The following SOX5 variants were observed in gnomAD, a reference collection of about 807,000 sequenced individuals.
SOX5 encodes the protein SRY-box transcription factor 5.
Under a neutral mutation model 92.0 loss-of-function variants are expected in SOX5, and 9 were observed. The ratio of observed to expected loss-of-function variants is 0.10; its 90% CI spans 0.06 to 0.17. The LOEUF is 0.17. Among genes scored for constraint, SOX5 ranks in the 10% least tolerant of loss-of-function variants. The probability of loss-of-function intolerance (pLI) is 1.00; values close to 1 mark genes in which losing one functional copy is unlikely to be tolerated. For missense variants in SOX5, 642 were observed against 944.5 expected, an observed-to-expected ratio of 0.68 and a Z score of 4.20; for synonymous variants, 344 against 336.3, an observed-to-expected ratio of 1.02 and a Z score of -0.25.
At chr12:24,458,160 T>C (rs977920926) in intron 1 of SOX5, among the ~76,000 whole-genome samples, 1 of 151,884 alleles carries the variant, frequency 6.6e-6, no homozygotes, top group Non-Finnish European at 1.5e-5. Context: ...CAGTGTCTGT[T>C]TTTTTAAATT....
intron 4 of SOX5, among the ~76,000 whole-genome samples, chr12:24,102,556 T>C (rs1946212196): frequency 6.6e-6 from 1 of 152,228 alleles, no homozygotes; most frequent in Non-Finnish European, 1.5e-5. Flanking sequence ...TAGATTTCCA[T>C]ACGTCATCTA....
intron 3 of SOX5, among the ~76,000 whole-genome samples, chr12:23,841,192 G>C (rs549890810): frequency 1.3e-5 from 2 of 152,062 alleles, no homozygotes; most frequent in East Asian, 3.9e-4. Flanking sequence ...TTCATTAAAG[G>C]CATATAAGCA....
At chr12:23,798,617 C>T (rs949164899) in intron 3 of SOX5, among the ~76,000 whole-genome samples, 1 of 137,114 alleles carries the variant, frequency 7.3e-6, no homozygotes, top group Non-Finnish European at 1.6e-5. Flanking sequence ...AAAAAAAAAA[C>T]CAGTTCTCTC....
chr12:24,470,868 CAT>C (rs1331785475), intron 1 of SOX5, among the ~76,000 whole-genome samples: 1 of 152,128 alleles, frequency 6.6e-6, no homozygotes, highest in African/African-American at 2.4e-5. Context: ...AACATGGTAA[CAT>C]ATAAATGAAT....
intron 4 of SOX5, among the ~76,000 whole-genome samples, chr12:24,115,851 G>T (rs1485384035): frequency 6.6e-6 from 1 of 152,004 alleles, no homozygotes; most frequent in Non-Finnish European, 1.5e-5. Context: ...AGAACAGAAT[G>T]CATATGTTAT....
At chr12:23,604,672 G>A (rs926924500) in intron 8 of SOX5, 139 bp from the exon 9 acceptor site, 48 of 751,708 alleles carry the variant, frequency 6.4e-5, no homozygotes, top group Non-Finnish European at 9.6e-5. Context: ...TTTAAAGAAA[G>A]AAGCTGTCAC....
chr12:23,581,164 C>A (rs1949989655), intron 9 of SOX5, among the ~76,000 whole-genome samples: 1 of 151,924 alleles, frequency 6.6e-6, no homozygotes, highest in African/African-American at 2.4e-5. Context: ...ATTTCTCTCT[C>A]CCCACTCCTT....
rs1480758575 is a variant in SOX5 at position 23,532,425 on chromosome 12, T to TATC, written c.*1791_*1793dup. ...TCAAGCTACTAGTTGCAGTATTTACTATCTATCTGATACTTCAATACAAAT... is the reference window on the plus strand; with the variant it reads ...TCAAGCTACTAGTTGCAGTATTTACTATCATCTATCTGATACTTCAATACAAAT... On this transcript the variant is annotated 3_prime_UTR_variant, in exon 15 of 15. Transcript: ENST00000451604. 2.6e-5 allele frequency: 4 copies of TATC among 152,376 alleles called. No homozygotes were observed. Among genetic ancestry groups the TATC allele is most frequent in the East Asian group, 1.9e-4 (1 of 5,190 alleles). 9.4% of individuals were successfully genotyped at this position (152,376 alleles called of 1,614,324 possible).
chr12:23,531,259 T>G lies in SOX5; in HGVS notation c.*2960A>C, dbSNP rs1022467867. On this transcript the variant is annotated 3_prime_UTR_variant, in exon 15 of 15. Transcript: ENST00000451604. The stretch of plus-strand genomic sequence containing the variant: ...TTGTTTCGGTTCATGCACAGTTTAG[T>G]CTCGGACATAAACCTAACTAAAATC... 1.3e-5 allele frequency: 2 copies of G among 152,204 alleles called. No individual in the cohort carries two copies. Among genetic ancestry groups the G allele is most frequent in the Non-Finnish European group, 2.9e-5 (2 of 68,044 alleles). 9.4% of individuals were successfully genotyped at this position (152,204 alleles called of 1,614,324 possible).
chr12:23,793,416 A>C (rs2095510445), intron 3 of SOX5, among the ~76,000 whole-genome samples: 1 of 152,218 alleles, frequency 6.6e-6, no homozygotes. Flanking sequence ...TTATTTACCC[A>C]GAAGGTACAA....
chr12:23,712,661 T>A (rs1463926773), intron 6 of SOX5, among the ~76,000 whole-genome samples: 1 of 152,230 alleles, frequency 6.6e-6, no homozygotes, highest in Admixed American at 6.5e-5. Flanking sequence ...ACAAAGTCCT[T>A]TGACACTAAG....
intron 1 of SOX5, among the ~76,000 whole-genome samples, chr12:24,465,307 T>C (rs1369834418): frequency 6.6e-6 from 1 of 152,222 alleles, no homozygotes; most frequent in East Asian, 1.9e-4. Flanking sequence ...TTAATCATAA[T>C]AGCGAACATT....
intron 4 of SOX5, among the ~76,000 whole-genome samples, chr12:24,039,491 G>A (rs1405520407): frequency 6.6e-6 from 1 of 152,048 alleles, no homozygotes; most frequent in African/African-American, 2.4e-5. Flanking sequence ...CAGCATTGTT[G>A]CAACCAGAAA....
intron 1 of SOX5, among the ~76,000 whole-genome samples, chr12:24,511,885 G>A (rs974963256): frequency 9.3e-5 from 14 of 150,578 alleles, no homozygotes; most frequent in East Asian, 3.9e-4. Flanking sequence ...GTGAACCCGG[G>A]ATGTGGATCT....
chr12:23,971,843 GCATGTA>G (rs1478608150), intron 4 of SOX5, among the ~76,000 whole-genome samples: 2 of 152,068 alleles, frequency 1.3e-5, no homozygotes, highest in Non-Finnish European at 2.9e-5. Flanking sequence ...TAAACATTGT[GCATGTA>G]CTTTATATCA....
At chr12:23,713,862 C>A (rs754290046) in intron 6 of SOX5, among the ~76,000 whole-genome samples, 1 of 151,062 alleles carries the variant, frequency 6.6e-6, no homozygotes, top group African/African-American at 2.4e-5. Context: ...GAGGCCAAAG[C>A]GGGTGGATCA....
chr12:23,677,820 G>A (rs1461010825), intron 6 of SOX5, among the ~76,000 whole-genome samples: 1 of 152,060 alleles, frequency 6.6e-6, no homozygotes, highest in Admixed American at 6.6e-5. Context: ...AATGCAAAAT[G>A]TTACATTAGT....
At chr12:24,307,734 G>A (rs1340066606) in intron 2 of SOX5, among the ~76,000 whole-genome samples, 1 of 27,432 alleles carries the variant, frequency 3.6e-5, no homozygotes, top group Non-Finnish European at 9.7e-5. Context: ...CACAGAAAAA[G>A]TATTATTGGA....
chr12:24,262,951 G>T lies in SOX5; in HGVS notation c.-77+14265C>A, dbSNP rs573517148. On this transcript the variant is annotated intron_variant, in intron 3 of 4. Coordinates refer to the SOX5 transcript ENST00000446891. ...TAAGGAAATTACTGGGCTGCGCGCA[G>T]TGGCTCATGCCTGTAATCCCAGCAC... 3.9e-5 allele frequency among the ~76,000 whole-genome samples: 6 copies of T among 152,306 alleles called. No individual in the cohort carries two copies. In the South Asian group the frequency reaches 1.2e-3, roughly 32 times the overall value.
Sources: allele counts gnomAD v4.1 joint callset (sites outside exome capture counted in the v4.1 genomes callset), GRCh38; gene constraint gnomAD v4.1.1; transcripts MANE v1.5; gene names NCBI Gene and HGNC (gene_info 2026-07-23, HGNC 2026-07-21).